The following LRP5 variants were observed in gnomAD, a reference collection of about 807,000 sequenced individuals.
LRP5 encodes low-density lipoprotein receptor-related protein 5.
A neutral mutation model predicts 154.1 loss-of-function variants in LRP5; 62 were observed. The observed-to-expected ratio is 0.40, with a 90% CI of 0.33 to 0.50. The LOEUF (loss-of-function observed/expected upper bound fraction) is 0.50, where lower values mean the gene tolerates loss of function less well. Ranked by LOEUF, LRP5 falls within the 20% of genes least tolerant of loss-of-function variation. LRP5 has a pLI of 0.55. For synonymous variants in LRP5, 966 were observed against 1,011.5 expected, an observed-to-expected ratio of 0.96 and a Z score of 0.85; for missense variants, 1,915 against 2,336.7, an observed-to-expected ratio of 0.82 and a Z score of 3.72.
At chr11:68,323,712 G>A (rs1341556185) in intron 1 of LRP5, among the ~76,000 whole-genome samples, 2 of 152,186 alleles carry the variant, frequency 1.3e-5, no homozygotes, top group Admixed American at 1.3e-4. Flanking sequence ...GAGCCACCGC[G>A]CCTGGCTACT....
chr11:68,362,508 ACC>A (rs2098628636), intron 3 of LRP5, among the ~76,000 whole-genome samples: 4 of 151,930 alleles, frequency 2.6e-5, no homozygotes, highest in African/African-American at 9.7e-5. Flanking sequence ...ACATGGCGAA[ACC>A]CTGTCTCTAC....
chr11:68,331,236 C>T (rs889197030), intron 1 of LRP5, among the ~76,000 whole-genome samples: 2 of 152,254 alleles, frequency 1.3e-5, no homozygotes, highest in South Asian at 2.1e-4. Context: ...GATAACCTGA[C>T]GTCACCAACA....
In LRP5 at chr11:68,414,002, C is replaced by T; in HGVS notation, c.2817C>T (p.Arg939=). The change falls in exon 12 of 23, where the codon CGC becomes CGT. Residue 939 remains arginine, a synonymous_variant. Coordinates refer to ENST00000294304, the MANE Select transcript of LRP5 (RefSeq NM_002335.4). ...ASHYTLDPSS[R]NCSPPTTFLL... The stretch of plus-strand genomic sequence containing the variant: ...ACTACACCCTGGACCCCAGCAGCCG[C>T]AACTGCAGCCGTAAGTGCCTCATGG... 1 of 1,603,542 alleles carries T rather than the reference C, an allele frequency of 6.2e-7. No homozygotes were observed.
intron 1 of LRP5, among the ~76,000 whole-genome samples, chr11:68,321,058 G>GTTTTT (rs36049256): frequency 2.0e-4 from 24 of 119,790 alleles, no homozygotes; most frequent in East Asian, 4.5e-4. Context: ...TTCTGTCTGG[G>GTTTTT]TTTTTTTTTT....
chr11:68,406,534 G>A lies in LRP5; in HGVS notation c.1812G>A (p.Pro604=), dbSNP rs200163787. 12 of 1,614,120 alleles carry A rather than the reference G, an allele frequency of 7.4e-6. No homozygotes were observed. Among genetic ancestry groups the A allele is most frequent in the Middle Eastern group, 1.6e-4 (1 of 6,062 alleles). The part of the protein sequence containing the change: ...VNVAKVVGTN[P]CADRNGGCSH... The stretch of plus-strand genomic sequence containing the variant: ...TGTGTTCGCTTCCAGGAACCAACCC[G>A]TGTGCGGACAGGAACGGGGGGTGCA... The change falls in exon 9 of 23, where the codon CCG becomes CCA. Residue 604 remains proline (P), a synonymous_variant. Transcript: ENST00000294304.
rs943346507 is a variant in LRP5, at chr11:68,405,024, G to A, written c.1801+1325G>A. Reference sequence around the variant, plus strand: ...AAAAAAAAAAATTAGTCTGGGTGTGGTATCACGCGCCTATAATCTCACTAC... The same window carrying A: ...AAAAAAAAAAATTAGTCTGGGTGTGATATCACGCGCCTATAATCTCACTAC... On this transcript the variant is annotated intron_variant, in intron 8 of 22. Transcript: ENST00000294304. Among the ~76,000 whole-genome samples, 116 of 151,718 alleles carry A rather than the reference G, an allele frequency of 7.6e-4. 1 individual carries two copies. Among genetic ancestry groups the A allele is most frequent in the African/African-American group, 2.7e-3 (112 of 41,374 alleles).
intron 7 of LRP5, among the ~76,000 whole-genome samples, chr11:68,393,579 G>A (rs879409293): frequency 3.9e-5 from 6 of 152,102 alleles, no homozygotes; most frequent in Admixed American, 2.0e-4. Context: ...TCAGGAGTTC[G>A]AGACGAGCCT....
intron 7 of LRP5, among the ~76,000 whole-genome samples, chr11:68,390,345 G>A (rs1206904942): frequency 6.6e-5 from 10 of 152,216 alleles, no homozygotes; most frequent in African/African-American, 2.2e-4. Flanking sequence ...AGGCCAGCCC[G>A]GGCAAAGGGG....
intron 21 of LRP5, among the ~76,000 whole-genome samples, chr11:68,443,952 C>G (rs1565122913): frequency 6.6e-6 from 1 of 151,880 alleles, no homozygotes; most frequent in Non-Finnish European, 1.5e-5. Flanking sequence ...AGCCACCATG[C>G]CCAGCCCACA....
chr11:68,317,151 G>A (rs1435863950), intron 1 of LRP5, among the ~76,000 whole-genome samples: 3 of 152,250 alleles, frequency 2.0e-5, no homozygotes, highest in African/African-American at 7.2e-5. Flanking sequence ...GCCGGCCTCA[G>A]GGACCCACCG....
At chr11:68,319,110 A>C (rs1421780655) in intron 1 of LRP5, among the ~76,000 whole-genome samples, 3 of 116,854 alleles carry the variant, frequency 2.6e-5, no homozygotes, top group East Asian at 2.4e-4. Flanking sequence ...CAGGAGTCTC[A>C]CTCACGCCCA....
chr11:68,427,355 G>C (rs2098669362), intron 16 of LRP5, among the ~76,000 whole-genome samples: 1 of 152,092 alleles, frequency 6.6e-6, no homozygotes, highest in Non-Finnish European at 1.5e-5. Context: ...GGGCAACATG[G>C]TGAGAACCCA....
chr11:68,376,477 C>A (rs1259472301), intron 5 of LRP5, among the ~76,000 whole-genome samples: 3 of 152,196 alleles, frequency 2.0e-5, no homozygotes, highest in Non-Finnish European at 2.9e-5. Flanking sequence ...AGCCACCATG[C>A]CTGGCCGGCC....
At chr11:68,431,898 C>T (rs531859007) in intron 17 of LRP5, among the ~76,000 whole-genome samples, 29 of 152,280 alleles carry the variant, frequency 1.9e-4, no homozygotes, top group African/African-American at 6.7e-4. Context: ...CCTCCTGGCT[C>T]GGGAACTCCA....
At chr11:68,405,441 G>T (rs1238644674) in intron 8 of LRP5, among the ~76,000 whole-genome samples, 2 of 143,960 alleles carry the variant, frequency 1.4e-5, no homozygotes, top group African/African-American at 5.2e-5. Flanking sequence ...CTGCACTCCA[G>T]CCTGGGTGAC....
At chr11:68,334,536 A>G (rs1383688796) in intron 1 of LRP5, among the ~76,000 whole-genome samples, 1 of 152,244 alleles carries the variant, frequency 6.6e-6, no homozygotes. Flanking sequence ...TGCCACACAC[A>G]CATGCACAGA....
At chr11:68,441,788 A>G (rs1188803178) in intron 21 of LRP5, among the ~76,000 whole-genome samples, 2 of 152,254 alleles carry the variant, frequency 1.3e-5, no homozygotes, top group African/African-American at 4.8e-5. Flanking sequence ...AAAAGGGTAC[A>G]GTTCAGTGGG....
chr11:68,418,879 C>T (rs1441788285), intron 13 of LRP5, among the ~76,000 whole-genome samples: 1 of 152,160 alleles, frequency 6.6e-6, no homozygotes, highest in Non-Finnish European at 1.5e-5. Context: ...GGATGTGGCT[C>T]CCATGCTGAG....
chr11:68,408,242 ATTTTTTTTTTTT>A (rs11299690), intron 9 of LRP5, among the ~76,000 whole-genome samples: 1 of 52,110 alleles, frequency 1.9e-5, no homozygotes, highest in Non-Finnish European at 3.5e-5. Flanking sequence ...CTCCTGGCTG[ATTTTTTTTTTTT>A]TTTTTTTTTT....
Sources: gnomAD v4.1 joint callset for allele counts (sites outside exome capture counted in the v4.1 genomes callset) on GRCh38, gnomAD v4.1.1 for gene constraint, MANE v1.5 for transcripts, NCBI Gene and HGNC (gene_info 2026-07-23, HGNC 2026-07-21) for gene names.